The following NOL4 variants were observed in gnomAD, a reference collection of about 807,000 sequenced individuals.
NOL4 encodes the protein cancer/testis antigen 125.
In NOL4, 17 loss-of-function variants were observed where a neutral mutation model predicts 75.9. The ratio of observed to expected loss-of-function variants is 0.22; its 90% confidence interval spans 0.15 to 0.34. The LOEUF (loss-of-function observed/expected upper bound fraction) is 0.34, where lower values mean the gene tolerates loss of function less well. Ranked by LOEUF, NOL4 falls within the 10% of genes least tolerant of loss-of-function variation. NOL4 has a pLI of 1.00. For synonymous variants in NOL4, 292 were observed against 289.9 expected, an observed-to-expected ratio of 1.01 and a Z score of -0.07; for missense variants, 614 against 793.5, an observed-to-expected ratio of 0.77 and a Z score of 2.72.
At chr18:34,029,992 T>C (rs1295660957) in intron 5 of NOL4, among the ~76,000 whole-genome samples, 1 of 152,234 alleles carries the variant, frequency 6.6e-6, no homozygotes, top group Non-Finnish European at 1.5e-5. Context: ...ACTTCAGCTA[T>C]TACTTACAAA....
chr18:33,932,323 T>C (rs1199134499), intron 9 of NOL4, among the ~76,000 whole-genome samples: 1 of 152,090 alleles, frequency 6.6e-6, no homozygotes, highest in African/African-American at 2.4e-5. Context: ...TAATGCCATG[T>C]TTTTTAGGAT....
chr18:33,856,950 A>T (rs987451803), intron 10 of NOL4, among the ~76,000 whole-genome samples: 1 of 152,060 alleles, frequency 6.6e-6, no homozygotes, highest in African/African-American at 2.4e-5. Context: ...GCAAATGTTC[A>T]TCTATTAATG....
intron 8 of NOL4, among the ~76,000 whole-genome samples, chr18:33,945,182 A>G (rs968005130): frequency 6.6e-6 from 1 of 151,898 alleles, no homozygotes; most frequent in Non-Finnish European, 1.5e-5. Context: ...ATCAGCAACC[A>G]TCCTTTTCTT....
chr18:34,047,708 T>C (rs984579047), intron 5 of NOL4, among the ~76,000 whole-genome samples: 1 of 152,066 alleles, frequency 6.6e-6, no homozygotes, highest in Admixed American at 6.6e-5. Flanking sequence ...AAGCTAAAAA[T>C]CATATGCTTC....
chr18:34,159,217 C>T (rs972607932), intron 1 of NOL4, among the ~76,000 whole-genome samples: 2 of 152,182 alleles, frequency 1.3e-5, no homozygotes, highest in African/African-American at 2.4e-5. Context: ...CCTGCAGGCG[C>T]GCTAAGCGCT....
intron 9 of NOL4, among the ~76,000 whole-genome samples, chr18:33,897,546 A>G (rs1183747623): frequency 6.6e-6 from 1 of 152,146 alleles, no homozygotes. Flanking sequence ...TCTCACTTAT[A>G]AGCAGGAATT....
intron 9 of NOL4, among the ~76,000 whole-genome samples, chr18:33,916,236 T>C (rs2145204038): frequency 6.6e-6 from 1 of 152,294 alleles, no homozygotes; most frequent in East Asian, 1.9e-4. Context: ...AATGACTCTC[T>C]ATGTTTCATG....
Position 34,104,152 on chromosome 18 carries a change from T to G in NOL4, c.534A>C (p.Gly178=), listed in dbSNP as rs567359597. The part of the protein sequence containing the change: ...NPDGTDHKDN[G]KPPTLVTSMI... Reference sequence around the variant, plus strand: ...TGCTGGTCACCAAAGTGGGAGGTTTTCCATTATCTGTAATAAAACATTTTT... The same window carrying G: ...TGCTGGTCACCAAAGTGGGAGGTTTGCCATTATCTGTAATAAAACATTTTT... The change falls in exon 4 of 11, where the codon GGA becomes GGC. Residue 178 remains glycine, a synonymous_variant. Transcript: ENST00000261592. 6.7e-5 allele frequency: 107 copies of G among 1,603,834 alleles called. No homozygotes were observed. The Admixed American group carries it at 7.5e-4, about 11-fold the overall frequency.
chr18:33,933,890 A>G (rs1313988000), intron 9 of NOL4, among the ~76,000 whole-genome samples: 2 of 152,156 alleles, frequency 1.3e-5, no homozygotes, highest in Non-Finnish European at 2.9e-5. Flanking sequence ...GGCATCTAGA[A>G]TGGTGAATCC....
intron 6 of NOL4, among the ~76,000 whole-genome samples, chr18:34,014,451 A>C (rs1002633255): frequency 6.6e-6 from 1 of 152,038 alleles, no homozygotes; most frequent in Non-Finnish European, 1.5e-5. Flanking sequence ...CTGGGTTACA[A>C]ATACTAAAAG....
Position 33,901,479 on chromosome 18 carries a change from T to G in NOL4, c.1543-18055A>C, listed in dbSNP as rs560855944. On this transcript the variant is annotated intron_variant, in intron 9 of 10. Transcript: ENST00000261592. ...CATAAGTGAAAGAATTGAGTACATG[T>G]AAATAGAATAAATGATTCTATTTAC... Among the ~76,000 whole-genome samples the G allele has an allele frequency of 1.9e-4, 29 of 152,250 alleles. No individual in the cohort carries two copies. The South Asian group carries it at 6.0e-3, about 32-fold the overall frequency.
At chr18:34,044,003 T>C (rs1475717597) in intron 5 of NOL4, among the ~76,000 whole-genome samples, 4 of 152,124 alleles carry the variant, frequency 2.6e-5, no homozygotes, top group Non-Finnish European at 4.4e-5. Context: ...GATAGAGAAA[T>C]TGTAACTGCT....
intron 6 of NOL4, among the ~76,000 whole-genome samples, chr18:33,996,037 G>C (rs139684527): frequency 6.6e-6 from 1 of 151,404 alleles, no homozygotes; most frequent in Non-Finnish European, 1.5e-5. Context: ...TCTTGAAATA[G>C]TATCTACTTC....
At chr18:33,900,443 T>C (rs1274379889) in intron 9 of NOL4, among the ~76,000 whole-genome samples, 7 of 152,178 alleles carry the variant, frequency 4.6e-5, no homozygotes, top group African/African-American at 1.7e-4. Context: ...TATTGCTCTC[T>C]TTCCTTTCTG....
chr18:33,874,207 G>C (rs1177478386), intron 10 of NOL4, among the ~76,000 whole-genome samples: 2 of 151,864 alleles, frequency 1.3e-5, no homozygotes, highest in Non-Finnish European at 2.9e-5. Flanking sequence ...AAAGGGAAAA[G>C]TGTGGGATGT....
intron 5 of NOL4, among the ~76,000 whole-genome samples, chr18:34,072,239 C>A (rs529056057): frequency 1.3e-4 from 20 of 151,860 alleles, no homozygotes; most frequent in South Asian, 8.3e-4. Context: ...AACAAACAAA[C>A]AAAAAAAGAT....
intron 1 of NOL4, among the ~76,000 whole-genome samples, chr18:34,146,528 A>G (rs2146043705): frequency 6.6e-6 from 1 of 152,152 alleles, no homozygotes; most frequent in African/African-American, 2.4e-5. Flanking sequence ...CAAAGATCAG[A>G]TGGTTGTAGA....
intron 8 of NOL4, among the ~76,000 whole-genome samples, chr18:33,948,894 T>C (rs1221092795): frequency 6.6e-6 from 1 of 151,966 alleles, no homozygotes; most frequent in Admixed American, 6.6e-5. Context: ...TTATTAAGAG[T>C]GTGTTTAGTA....
rs533448526 is a variant in NOL4 at position 33,999,904 on chromosome 18, G to A, written c.1056+19414C>T. Among the ~76,000 whole-genome samples the A allele has an allele frequency of 1.3e-3, 195 of 151,928 alleles. 1 individual carries two copies. Among genetic ancestry groups the A allele is most frequent in the African/African-American group, 3.7e-3 (152 of 41,452 alleles). On this transcript the variant is annotated intron_variant, in intron 6 of 10. Transcript: ENST00000261592. The stretch of plus-strand genomic sequence containing the variant: ...CCTGACCTCGTAATCCACCTGCCTC[G>A]GCCTCCCAAAGTGCTGGGATTACAG...
Sources: allele counts gnomAD v4.1 joint callset (sites outside exome capture counted in the v4.1 genomes callset), GRCh38; gene constraint gnomAD v4.1.1; transcripts MANE v1.5; gene names NCBI Gene and HGNC (gene_info 2026-07-23, HGNC 2026-07-21).